The following GUCY1B1 variants were observed in gnomAD, a reference collection of about 807,000 sequenced individuals.
GUCY1B1 encodes the protein guanylate cyclase soluble subunit beta-1.
A neutral mutation model predicts 71.0 loss-of-function variants in GUCY1B1; 43 were observed. The observed-to-expected ratio is 0.61, with a 90% CI of 0.47 to 0.78. GUCY1B1 has a LOEUF of 0.78. Among genes scored for constraint, GUCY1B1 ranks in the 30% least tolerant of loss-of-function variants. GUCY1B1 has a pLI of 0.00. For synonymous variants in GUCY1B1, 266 were observed against 259.7 expected (o/e 1.02, Z -0.23); for missense variants, 535 against 754.1 (o/e 0.71, Z 3.40).
chr4:155,797,457 A>C (rs1405490158), intron 8 of GUCY1B1, among the ~76,000 whole-genome samples: 1 of 152,130 alleles, frequency 6.6e-6, no homozygotes, highest in Non-Finnish European at 1.5e-5. Flanking sequence ...AGAATAATAT[A>C]TTGTTGGCAC....
chr4:155,759,400 G>A (rs960201881), intron 1 of GUCY1B1: 3 of 546,222 alleles, frequency 5.5e-6, no homozygotes, highest in African/African-American at 4.0e-5. Flanking sequence ...CTCGGGAAGG[G>A]GAGGTGCGGC....
intron 4 of GUCY1B1, among the ~76,000 whole-genome samples, chr4:155,788,666 C>G (rs1738958589): frequency 6.6e-6 from 1 of 152,138 alleles, no homozygotes; most frequent in Non-Finnish European, 1.5e-5. Context: ...GTGCTAAGTG[C>G]TTTATATACA....
intron 5 of GUCY1B1, among the ~76,000 whole-genome samples, chr4:155,792,315 ATAAT>A (rs1289259785): frequency 1.3e-5 from 2 of 152,322 alleles, no homozygotes; most frequent in South Asian, 2.1e-4. Flanking sequence ...TTAGAATTGA[ATAAT>A]TAATTCATAA....
chr4:155,795,138 G>T (rs1739457153), intron 6 of GUCY1B1, among the ~76,000 whole-genome samples: 1 of 152,014 alleles, frequency 6.6e-6, no homozygotes, highest in African/African-American at 2.4e-5. Flanking sequence ...TCATGTTCTT[G>T]TAACTATTTA....
chr4:155,768,881 C>T (rs1399014679), intron 2 of GUCY1B1, among the ~76,000 whole-genome samples: 1 of 152,040 alleles, frequency 6.6e-6, no homozygotes, highest in Non-Finnish European at 1.5e-5. Context: ...TTTTAAAGCC[C>T]TTAGGGGCAA....
intron 3 of GUCY1B1, among the ~76,000 whole-genome samples, chr4:155,776,940 A>G (rs1382214076): frequency 6.6e-6 from 1 of 152,224 alleles, no homozygotes; most frequent in African/African-American, 2.4e-5. Flanking sequence ...TCTCTTGTCT[A>G]AAACTCTTGA....
At chr4:155,771,444 G>T (rs1443274089) in intron 2 of GUCY1B1, among the ~76,000 whole-genome samples, 2 of 152,124 alleles carry the variant, frequency 1.3e-5, no homozygotes, top group African/African-American at 4.8e-5. Flanking sequence ...TTTATTTATG[G>T]GTTACTAGAG....
intron 2 of GUCY1B1, among the ~76,000 whole-genome samples, chr4:155,766,465 T>G (rs1164830286): frequency 2.0e-5 from 3 of 152,178 alleles, no homozygotes; most frequent in Non-Finnish European, 4.4e-5. Flanking sequence ...AGACCTCCCC[T>G]CTTAACAAAT....
Position 155,806,428 on chromosome 4 carries a change from A to C in GUCY1B1, c.*19A>C. The C allele has an allele frequency of 1.1e-5, 17 of 1,587,960 alleles. No homozygotes were observed. Among genetic ancestry groups the C allele is most frequent in the Non-Finnish European group, 1.5e-5 (17 of 1,157,006 alleles). ...TGACTGAATCTTGGATTATGGGGTG[A>C]AGAGGAGTACAGACTAGGTTCCAGT... On this transcript the variant is annotated 3_prime_UTR_variant, in exon 14 of 14. Transcript: ENST00000264424.
intron 4 of GUCY1B1, among the ~76,000 whole-genome samples, chr4:155,781,275 T>G (rs1738397414): frequency 6.6e-6 from 1 of 152,360 alleles, no homozygotes; most frequent in Non-Finnish European, 1.5e-5. Flanking sequence ...ATACCTCTTT[T>G]GCTTAAATTT....
intron 4 of GUCY1B1, among the ~76,000 whole-genome samples, chr4:155,777,975 T>G (rs1243358237): frequency 6.6e-6 from 1 of 152,178 alleles, no homozygotes; most frequent in African/African-American, 2.4e-5. Flanking sequence ...TGTGGTTTTA[T>G]GTGTTAGACA....
intron 5 of GUCY1B1, among the ~76,000 whole-genome samples, chr4:155,791,296 T>C (rs1739140597): frequency 6.6e-6 from 1 of 151,006 alleles, no homozygotes; most frequent in Non-Finnish European, 1.5e-5. Context: ...TTTGTATTTT[T>C]AGTAGAGACG....
At chr4:155,775,105 A>C (rs1737953342) in intron 3 of GUCY1B1, 37 bp downstream of exon 3, 1 of 1,055,472 alleles carries the variant, frequency 9.5e-7, no homozygotes, top group Admixed American at 1.7e-5. Context: ...TGGCCAAGTT[A>C]CACGTAGAAG....
At position 155,759,047 on chromosome 4, in the gene GUCY1B1, C is replaced by A; in HGVS notation, c.-94C>A. On this transcript the variant is annotated 5_prime_UTR_variant, in exon 1 of 14. Coordinates refer to ENST00000264424, the MANE Select transcript of GUCY1B1 (RefSeq NM_000857.5). ...CTCCAGCTCGATGCTGCCTCCCCGG[C>A]CCGGTTGCGCTGTAGCCGCTGCCGC... 1 of 1,340,156 alleles carries A rather than the reference C, an allele frequency of 7.5e-7. No individual in the cohort carries two copies. Among genetic ancestry groups the A allele is most frequent in the Non-Finnish European group, 1.0e-6 (1 of 959,760 alleles). 83.0% of individuals were successfully genotyped at this position (1,340,156 alleles called of 1,614,324 possible).
intron 4 of GUCY1B1, chr4:155,785,225 C>G (rs1489248696): frequency 3.6e-6 from 3 of 822,888 alleles, no homozygotes; most frequent in Non-Finnish European, 5.9e-6. Context: ...TGGACCTACT[C>G]TCTATATTTT....
rs369409473 is a variant in GUCY1B1, at chr4:155,804,781, C to A, written c.1709+34C>A. On this transcript the variant is annotated intron_variant, in intron 12 of 13. Coordinates refer to ENST00000264424, the MANE Select transcript of GUCY1B1 (RefSeq NM_000857.5). ...AAATGTCTTGGTATTTACTGATTTG[C>A]AAAGAAAATGTGTCTTTGCATGTGG... 1.7e-5 allele frequency: 26 copies of A among 1,569,026 alleles called. No individual in the cohort carries two copies. In the African/African-American group the frequency reaches 3.2e-4, roughly 20 times the overall value.
rs1450055586 is a variant in GUCY1B1, at chr4:155,780,584, G to C, written c.297+2942G>C. Among the ~76,000 whole-genome samples, 6 of 152,118 alleles carry C rather than the reference G, an allele frequency of 3.9e-5. No individual in the cohort carries two copies. In the East Asian group the frequency reaches 1.2e-3, roughly 29 times the overall value. On this transcript the variant is annotated intron_variant, in intron 4 of 13. Transcript: ENST00000264424. Reference sequence around the variant, plus strand: ...TCTTAATGTTTGTACCTTCACAGATGCAATCTGTATATCTGAGAATAAATG... The same window carrying C: ...TCTTAATGTTTGTACCTTCACAGATCCAATCTGTATATCTGAGAATAAATG...
chr4:155,776,316 T>C (rs557376756), intron 3 of GUCY1B1, among the ~76,000 whole-genome samples: 5 of 152,302 alleles, frequency 3.3e-5, no homozygotes, highest in Admixed American at 2.6e-4. Flanking sequence ...GTTCCATATA[T>C]TATCAAAAAC....
In GUCY1B1 at chr4:155,806,680, C is replaced by T. The variant is rs1354592986; in HGVS notation, c.*271C>T. ...CATGTGTCTTAAAATCTACTACAAG[C>T]ATTACCTAACATGGTGATCTGCAAG... On this transcript the variant is annotated 3_prime_UTR_variant, in exon 14 of 14. Coordinates refer to ENST00000264424, the MANE Select transcript of GUCY1B1 (RefSeq NM_000857.5). 30 of 381,812 alleles carry T rather than the reference C, an allele frequency of 7.9e-5. No homozygotes were observed. The highest frequency in any genetic ancestry group is 8.9e-5 in the Non-Finnish European group (19 of 213,850). The allele number at this position is 381,812 out of a possible 1,614,324, so 23.7% of individuals were successfully genotyped here. A position where few individuals can be genotyped will look rare whatever the true frequency, so the allele number is the denominator to read the frequency against.
Sources: allele counts gnomAD v4.1 joint callset (sites outside exome capture counted in the v4.1 genomes callset), GRCh38; gene constraint gnomAD v4.1.1; transcripts MANE v1.5; gene names NCBI Gene and HGNC (gene_info 2026-07-23, HGNC 2026-07-21).